AP2A2: variants seen among roughly 807,000 people sequenced by gnomAD.
The protein encoded by AP2A2 is AP-2 complex subunit alpha-2.
In AP2A2, 32 loss-of-function variants were observed where a neutral mutation model predicts 104.2. The observed-to-expected ratio is 0.31, with a 90% CI of 0.23 to 0.41. The LOEUF (loss-of-function observed/expected upper bound fraction) is 0.41. Among genes scored for constraint, AP2A2 ranks in the 10% least tolerant of loss-of-function variants. The pLI is 1.00. For synonymous variants in AP2A2, 539 were observed against 533.3 expected (o/e 1.01, Z -0.15); for missense variants, 912 against 1,261.0 (o/e 0.72, Z 4.19).
At chr11:1,009,023 T>A in intron 18 of AP2A2, 77 bp from the exon 19 acceptor site, 1 of 1,252,902 alleles carries the variant, frequency 8.0e-7, no homozygotes, top group Non-Finnish European at 1.1e-6. Flanking sequence ...CGCTTCTCAC[T>A]CCAGGCTCTT....
intron 8 of AP2A2, 144 bp from the exon 9 acceptor site, chr11:986,641 A>G: frequency 9.8e-7 from 1 of 1,021,682 alleles, no homozygotes; most frequent in South Asian, 1.6e-5. Flanking sequence ...GAGGCCCCCG[A>G]GTTCCCACTT....
At chr11:987,530 C>T (rs1855502851) in intron 9 of AP2A2, among the ~76,000 whole-genome samples, 2 of 152,168 alleles carry the variant, frequency 1.3e-5, no homozygotes, top group South Asian at 2.1e-4. Context: ...CGGCCGGTGC[C>T]TGTAGTCCCA....
chr11:979,170 G>C (rs539198538), intron 5 of AP2A2, among the ~76,000 whole-genome samples: 85 of 151,308 alleles, frequency 5.6e-4, no homozygotes, highest in African/African-American at 1.9e-3. Context: ...CTCAGTGCAG[G>C]GGGAGGACGT....
intron 9 of AP2A2, among the ~76,000 whole-genome samples, chr11:987,270 C>T (rs1410470594): frequency 6.6e-6 from 1 of 152,220 alleles, no homozygotes; most frequent in Non-Finnish European, 1.5e-5. Context: ...AATGGTTCTT[C>T]TTGGTAGAAA....
intron 1 of AP2A2, among the ~76,000 whole-genome samples, chr11:945,482 G>A (rs958994857): frequency 6.6e-6 from 1 of 152,118 alleles, no homozygotes; most frequent in African/African-American, 2.4e-5. Context: ...TATGAGTGCT[G>A]CCACCACGCC....
chr11:999,075 C>T (rs36025805), intron 14 of AP2A2, among the ~76,000 whole-genome samples: 1 of 152,178 alleles, frequency 6.6e-6, no homozygotes, highest in Non-Finnish European at 1.5e-5. Flanking sequence ...CAGAGCAGGT[C>T]TGAGCTCCCA....
At chr11:934,607 A>T (rs1853392967) in intron 1 of AP2A2, among the ~76,000 whole-genome samples, 1 of 152,116 alleles carries the variant, frequency 6.6e-6, no homozygotes, top group African/African-American at 2.4e-5. Flanking sequence ...GTTTGCTTAG[A>T]AGTGTAGAGA....
intron 8 of AP2A2, among the ~76,000 whole-genome samples, chr11:986,341 G>T (rs980374651): frequency 6.6e-6 from 1 of 152,238 alleles, no homozygotes; most frequent in African/African-American, 2.4e-5. Flanking sequence ...AGAAAGCTCT[G>T]TTGTTATGTG....
At chr11:1,001,077 C>T (rs1314434271) in intron 15 of AP2A2, among the ~76,000 whole-genome samples, 1 of 152,212 alleles carries the variant, frequency 6.6e-6, no homozygotes, top group East Asian at 1.9e-4. Context: ...CTGTGAGGCC[C>T]ACCCTGCTCA....
At chr11:994,381 C>A in intron 14 of AP2A2, 136 bp downstream of exon 14, 2 of 1,110,982 alleles carry the variant, frequency 1.8e-6, no homozygotes, top group Non-Finnish European at 2.5e-6. Flanking sequence ...GGACACCCCG[C>A]TGTCCTGTCC....
At chr11:966,674 T>G (rs1239862732) in intron 2 of AP2A2, among the ~76,000 whole-genome samples, 1 of 152,174 alleles carries the variant, frequency 6.6e-6, no homozygotes, top group Non-Finnish European at 1.5e-5. Flanking sequence ...GTTCCCACCC[T>G]GCCCCCGAGG....
chr11:996,953 A>G (rs12363538), intron 14 of AP2A2, among the ~76,000 whole-genome samples: 1 of 129,280 alleles, frequency 7.7e-6, no homozygotes, highest in Non-Finnish European at 1.7e-5. Flanking sequence ...ACCGAGAGCT[A>G]TGGTGTGTGG....
In AP2A2 at chr11:933,793, G is replaced by C. The variant is rs192507222; in HGVS notation, c.67+7705G>C. Among the ~76,000 whole-genome samples the C allele has an allele frequency of 1.8e-3, 278 of 152,246 alleles. 1 individual carries two copies. The highest frequency in any genetic ancestry group is 6.5e-3 in the African/African-American group (271 of 41,534). ...GAACCATGCTTCTGTATTCAGACAT[G>C]ACTTTCTGCCAGCTTTGCACGCTTT... On this transcript the variant is annotated intron_variant, in intron 1 of 21. Coordinates refer to ENST00000448903, the MANE Select transcript of AP2A2 (RefSeq NM_012305.4).
At chr11:988,874 G>A (rs1855552218) in intron 10 of AP2A2, 185 bp downstream of exon 10, 2 of 770,684 alleles carry the variant, frequency 2.6e-6, no homozygotes, top group East Asian at 5.5e-5. Context: ...TGGCACCTGT[G>A]GTCCCCGCTA....
chr11:955,932 G>C (rs906084646), intron 1 of AP2A2, among the ~76,000 whole-genome samples: 1 of 152,114 alleles, frequency 6.6e-6, no homozygotes, highest in African/African-American at 2.4e-5. Context: ...CGCTTGTGTC[G>C]TGTTCTGATG....
At chr11:953,014 T>C (rs10902245) in intron 1 of AP2A2, among the ~76,000 whole-genome samples, 72,798 of 151,976 alleles carry the variant, frequency 0.48, 18,370 homozygotes, top group Middle Eastern at 0.65. Flanking sequence ...GTTACCTGCG[T>C]CCGTCATGAC....
Position 988,683 on chromosome 11 carries a change from A to G in AP2A2, c.1263A>G (p.Glu421=). 6.2e-7 allele frequency: 1 copy of G among 1,613,190 alleles called. No individual in the cohort carries two copies. ...YLETADYSIR[E]EIVLKVAILA... Reference sequence around the variant, plus strand: ...AGACAGCTGACTACTCCATCCGAGAAGAGATTGTGAGTTCTGGTGGCCTCT... The same window carrying G: ...AGACAGCTGACTACTCCATCCGAGAGGAGATTGTGAGTTCTGGTGGCCTCT... Residue 421 remains glutamate (E), a synonymous_variant, in exon 10 of 22, where the codon GAA becomes GAG. Transcript: ENST00000448903.
chr11:1,010,049 A>G, intron 21 of AP2A2: 1 of 546,516 alleles, frequency 1.8e-6, no homozygotes, highest in East Asian at 3.0e-5. Flanking sequence ...TGCCTGTTTA[A>G]CCACCACCCT....
At chr11:979,156 C>T (rs566971774) in intron 5 of AP2A2, among the ~76,000 whole-genome samples, 1 of 151,422 alleles carries the variant, frequency 6.6e-6, no homozygotes, top group South Asian at 2.1e-4. Flanking sequence ...AGGCCTCTTA[C>T]AGTCTCAGTG....
Sources: gnomAD v4.1 joint callset for allele counts (sites outside exome capture counted in the v4.1 genomes callset) on GRCh38, gnomAD v4.1.1 for gene constraint, MANE v1.5 for transcripts, NCBI Gene and HGNC (gene_info 2026-07-23, HGNC 2026-07-21) for gene names.